The following CBFA2T2 variants were observed in gnomAD, a reference collection of about 807,000 sequenced individuals.
CBFA2T2 encodes the protein protein CBFA2T2.
CBFA2T2 carries 11 observed loss-of-function variants against 62.2 expected under a neutral mutation model. The ratio of observed to expected loss-of-function variants is 0.18; its 90% confidence interval spans 0.11 to 0.29. The LOEUF (loss-of-function observed/expected upper bound fraction) is 0.29, where lower values mean the gene tolerates loss of function less well. Ranked by LOEUF, CBFA2T2 falls within the 10% of genes least tolerant of loss-of-function variation. The pLI is 1.00. For missense variants in CBFA2T2, 592 were observed against 774.1 expected, an observed-to-expected ratio of 0.76 and a Z score of 2.79; for synonymous variants, 295 against 287.5, an observed-to-expected ratio of 1.03 and a Z score of -0.27.
At chr20:33,622,262 A>C (rs763191469) in intron 4 of CBFA2T2, among the ~76,000 whole-genome samples, 8 of 152,156 alleles carry the variant, frequency 5.3e-5, no homozygotes, top group Non-Finnish European at 1.0e-4. Flanking sequence ...TAAAACAGTC[A>C]CTAATTATGG....
chr20:33,579,658 C>T (rs2146912230), intron 1 of CBFA2T2, among the ~76,000 whole-genome samples: 2 of 151,792 alleles, frequency 1.3e-5, no homozygotes, highest in South Asian at 4.2e-4. Context: ...TTTTCTTTCC[C>T]CATTGAGTTG....
intron 1 of CBFA2T2, among the ~76,000 whole-genome samples, chr20:33,537,621 G>T (rs1177793603): frequency 6.6e-6 from 1 of 152,008 alleles, no homozygotes; most frequent in Admixed American, 6.5e-5. Flanking sequence ...GTTTTTTTCT[G>T]GAATTTCTGT....
chr20:33,544,941 AGAACAGAATAGAATAGAAT>A (rs2012499583), intron 1 of CBFA2T2, among the ~76,000 whole-genome samples: 2 of 131,658 alleles, frequency 1.5e-5, no homozygotes, highest in African/African-American at 6.6e-5. Context: ...TGAATAGAAT[AGAACAGAATAGAATAGAAT>A]AGAATAGAAT....
intron 1 of CBFA2T2, among the ~76,000 whole-genome samples, chr20:33,593,583 G>T (rs1264107419): frequency 6.6e-6 from 1 of 151,758 alleles, no homozygotes; most frequent in African/African-American, 2.4e-5. Flanking sequence ...ACTAGAGACG[G>T]GGTTTTGCCA....
At chr20:33,627,398 G>T (rs778532556) in intron 6 of CBFA2T2, among the ~76,000 whole-genome samples, 1 of 151,912 alleles carries the variant, frequency 6.6e-6, no homozygotes, top group African/African-American at 2.4e-5. Flanking sequence ...TCCGTCAAGG[G>T]GGGGGAAAAA....
intron 10 of CBFA2T2, among the ~76,000 whole-genome samples, chr20:33,641,652 C>T (rs931795356): frequency 1.3e-5 from 2 of 152,166 alleles, no homozygotes; most frequent in Admixed American, 6.5e-5. Flanking sequence ...GGTGCGGTCT[C>T]GGCTCACCGC....
At position 33,619,503 on chromosome 20, in the gene CBFA2T2, A is replaced by T; in HGVS notation, c.421-14A>T. 6.5e-7 allele frequency: 1 copy of T among 1,531,770 alleles called. No homozygotes were observed. Among genetic ancestry groups the T allele is most frequent in the East Asian group, 2.4e-5 (1 of 41,492 alleles). 94.9% of individuals were successfully genotyped at this position (1,531,770 alleles called of 1,614,324 possible). ...CCAGTTTTGGAAGTTGAACAAGGTT[A>T]TTTATCTTTTCAGAACTCAACAGTG... On this transcript the variant is annotated splice_polypyrimidine_tract_variant and intron_variant, in intron 3 of 10. Transcript: ENST00000342704.
intron 9 of CBFA2T2, among the ~76,000 whole-genome samples, chr20:33,637,288 C>T (rs1274513704): frequency 6.6e-6 from 1 of 152,174 alleles, no homozygotes; most frequent in African/African-American, 2.4e-5. Flanking sequence ...CACTTCTTGC[C>T]TCCCCATCCC....
intron 1 of CBFA2T2, among the ~76,000 whole-genome samples, chr20:33,512,812 C>T (rs957192514): frequency 2.0e-5 from 3 of 147,348 alleles, no homozygotes; most frequent in Admixed American, 6.9e-5. Flanking sequence ...AGTGCAGTGG[C>T]GCGATCTCGG....
At chr20:33,551,074 C>A (rs1185721387) in intron 1 of CBFA2T2, among the ~76,000 whole-genome samples, 1 of 152,050 alleles carries the variant, frequency 6.6e-6, no homozygotes, top group South Asian at 2.1e-4. Context: ...AGAGCTCATT[C>A]GACGGAAGTG....
chr20:33,523,199 A>G (rs2011781892), intron 1 of CBFA2T2, among the ~76,000 whole-genome samples: 1 of 152,090 alleles, frequency 6.6e-6, no homozygotes, highest in Non-Finnish European at 1.5e-5. Flanking sequence ...TTTGCATTTT[A>G]GTAAGATTTC....
intron 1 of CBFA2T2, among the ~76,000 whole-genome samples, chr20:33,530,893 C>T (rs545453178): frequency 1.2e-3 from 186 of 152,248 alleles, no homozygotes; most frequent in African/African-American, 4.4e-3. Context: ...TCAGCTTCAC[C>T]TACGTAGTGA....
intron 1 of CBFA2T2, among the ~76,000 whole-genome samples, chr20:33,592,265 A>T (rs1369185735): frequency 5.3e-5 from 8 of 151,798 alleles, no homozygotes; most frequent in Admixed American, 5.3e-4. Flanking sequence ...GTGGAGGCTG[A>T]GGCAGGAGAA....
chr20:33,510,421 C>T (rs2011489050), intron 1 of CBFA2T2, among the ~76,000 whole-genome samples: 2 of 151,750 alleles, frequency 1.3e-5, no homozygotes, highest in African/African-American at 2.4e-5. Context: ...AGTTGTTAGC[C>T]AGGATGGTCT....
At position 33,552,581 on chromosome 20, in the gene CBFA2T2, C is replaced by T. The variant is rs1455181935; in HGVS notation, c.35-54375C>T. ...AAACATTTTTTTGAGCATTGTTAAA[C>T]ACTGTCAAGCCGTGTGGATGTGAAG... On this transcript the variant is annotated intron_variant, in intron 1 of 10. Transcript: ENST00000342704. Among the ~76,000 whole-genome samples, 3 of 152,156 alleles carry T rather than the reference C, an allele frequency of 2.0e-5. No homozygotes were observed. The East Asian group carries it at 5.8e-4, about 29-fold the overall frequency.
intron 1 of CBFA2T2, among the ~76,000 whole-genome samples, chr20:33,554,337 T>C (rs948498208): frequency 2.0e-5 from 3 of 151,104 alleles, no homozygotes; most frequent in African/African-American, 7.3e-5. Flanking sequence ...ACTGCAGCCT[T>C]CGCCTCCTGG....
chr20:33,560,848 C>G (rs750360533), intron 1 of CBFA2T2, among the ~76,000 whole-genome samples: 21 of 152,072 alleles, frequency 1.4e-4, no homozygotes, highest in Non-Finnish European at 3.1e-4. Flanking sequence ...GCCAAGACCC[C>G]CGCCTTCCCC....
chr20:33,558,318 G>C (rs1176102015), intron 1 of CBFA2T2, among the ~76,000 whole-genome samples: 1 of 151,896 alleles, frequency 6.6e-6, no homozygotes, highest in East Asian at 1.9e-4. Context: ...TTTTAGTAGA[G>C]ATGAGGCTTC....
Position 33,644,578 on chromosome 20 carries a change from A to C in CBFA2T2, c.1720A>C (p.Thr574Pro), listed in dbSNP as rs1232439451. 1 of 1,613,088 alleles carries C rather than the reference A, an allele frequency of 6.2e-7. No individual in the cohort carries two copies. Among genetic ancestry groups the C allele is most frequent in the Admixed American group, 1.7e-5 (1 of 59,996 alleles). ...CGTGCCCAGCCCAGCCCTCGACAAG[A>C]CCTCGGCAACCACATCGCGTTCCTC... Reference protein sequence around the residue: ...CSVPSPALDKTSATTSRSSTP... With the variant: ...CSVPSPALDKPSATTSRSSTP... Residue 574 changes from threonine (T) to proline (P), a missense_variant, in exon 11 of 11, where the codon ACC (threonine) becomes CCC (proline). Physicochemically the swap from Thr to Pro is conservative, Grantham distance 38 (BLOSUM62 -1). This residue lies in a region of CBFA2T2 where 85 missense variants were observed against 99.0 expected (regional missense o/e 0.86). Coordinates refer to ENST00000342704, the MANE Select transcript of CBFA2T2 (RefSeq NM_001032999.3).
Sources: gnomAD v4.1 joint callset for allele counts (sites outside exome capture counted in the v4.1 genomes callset) on GRCh38, gnomAD v4.1.1 for gene constraint, gnomAD v4.1.1 regional missense constraint, MANE v1.5 for transcripts, NCBI Gene and HGNC (gene_info 2026-07-23, HGNC 2026-07-21) for gene names.